SCN8A: variants seen among roughly 807,000 people sequenced by gnomAD.
SCN8A encodes the protein sodium voltage-gated channel alpha subunit 8, also known as sodium channel protein type 8 subunit alpha.
In SCN8A, 30 loss-of-function variants were observed where a neutral mutation model predicts 184.1. That is an observed-to-expected ratio of 0.16 (90% CI 0.12 to 0.22). The LOEUF (loss-of-function observed/expected upper bound fraction) is 0.22, where lower values mean the gene tolerates loss of function less well. Ranked by LOEUF, SCN8A falls within the 10% of genes least tolerant of loss-of-function variation. The pLI is 1.00. For synonymous variants in SCN8A, 852 were observed against 907.0 expected (o/e 0.94, Z 1.09); for missense variants, 1,057 against 2,498.9 (o/e 0.42, Z 12.30).
At chr12:51,792,853 G>A (rs1054475038) in intron 25 of SCN8A, among the ~76,000 whole-genome samples, 5 of 151,956 alleles carry the variant, frequency 3.3e-5, no homozygotes, top group Admixed American at 6.6e-5. Flanking sequence ...AGCAATTCTC[G>A]TGCCTCAGCC....
At chr12:51,747,081 C>CTGTGTGTGTGTGTGTGTGTGTGTG (rs1328800141) in intron 13 of SCN8A, among the ~76,000 whole-genome samples, 1 of 90,570 alleles carries the variant, frequency 1.1e-5, no homozygotes, top group African/African-American at 4.2e-5. Flanking sequence ...CACTTCTACT[C>CTGTGTGTGTGTGTGTGTGTGTGTG]TGTGTGTATG....
chr12:51,730,354 T>C (rs1942220348), intron 12 of SCN8A, among the ~76,000 whole-genome samples: 1 of 152,220 alleles, frequency 6.6e-6, no homozygotes, highest in Non-Finnish European at 1.5e-5. Flanking sequence ...TGTGGGTCTA[T>C]TTCTGGACTC....
intron 12 of SCN8A, among the ~76,000 whole-genome samples, chr12:51,743,485 G>A (rs895039453): frequency 2.0e-5 from 3 of 152,146 alleles, no homozygotes; most frequent in African/African-American, 7.2e-5. Flanking sequence ...TCTGGATTAC[G>A]AGACAAAGAT....
intron 20 of SCN8A, among the ~76,000 whole-genome samples, chr12:51,779,517 G>A (rs1210759722): frequency 1.3e-5 from 2 of 152,194 alleles, no homozygotes. Flanking sequence ...ACTCTGGATT[G>A]TCCAGATAGT....
intron 12 of SCN8A, among the ~76,000 whole-genome samples, chr12:51,731,735 A>T (rs1268804261): frequency 6.6e-6 from 1 of 151,828 alleles, no homozygotes; most frequent in Non-Finnish European, 1.5e-5. Flanking sequence ...AGCATTTATT[A>T]TTGCCTATCT....
At chr12:51,682,131 T>C (rs756401172) in intron 2 of SCN8A, among the ~76,000 whole-genome samples, 3 of 152,230 alleles carry the variant, frequency 2.0e-5, no homozygotes, top group Non-Finnish European at 2.9e-5. Flanking sequence ...TTGCATTACA[T>C]TGGTTGATTT....
chr12:51,650,532 C>G (rs1940687817), intron 1 of SCN8A, among the ~76,000 whole-genome samples: 1 of 113,756 alleles, frequency 8.8e-6, no homozygotes, highest in African/African-American at 3.4e-5. Context: ...TTTTTTGAGA[C>G]AGAATCTTGC....
intron 26 of SCN8A, among the ~76,000 whole-genome samples, chr12:51,802,295 G>T (rs1268189577): frequency 6.6e-6 from 1 of 152,166 alleles, no homozygotes; most frequent in African/African-American, 2.4e-5. Context: ...TGGCAGCCTG[G>T]GTGGGGGAAG....
At position 51,699,555 on chromosome 12, in the gene SCN8A, A is replaced by T. The variant is rs149586118; in HGVS notation, c.707-15A>T. The T allele has an allele frequency of 6.8e-5, 109 of 1,596,182 alleles. 1 individual carries two copies. The African/African-American group carries it at 1.3e-3, about 19-fold the overall frequency. ...CTTTGAGGTGCCTCTGATTCCGGGG[A>T]TTCTGTCTCCTCAGGCCTGAAGACA... On this transcript the variant is annotated splice_polypyrimidine_tract_variant and intron_variant, in intron 6 of 26. Coordinates refer to ENST00000627620, the MANE Select transcript of SCN8A (RefSeq NM_001330260.2).
chr12:51,670,824 A>G (rs1017544597), intron 2 of SCN8A, among the ~76,000 whole-genome samples: 11 of 152,156 alleles, frequency 7.2e-5, no homozygotes, highest in Admixed American at 2.0e-4. Flanking sequence ...CGAGCATGCA[A>G]TTATTCATTT....
At chr12:51,622,416 T>A (rs1939981832) in intron 1 of SCN8A, among the ~76,000 whole-genome samples, 1 of 152,224 alleles carries the variant, frequency 6.6e-6, no homozygotes, top group Non-Finnish European at 1.5e-5. Flanking sequence ...TCATTATGTC[T>A]CCTTAGTCTC....
chr12:51,786,205 T>C (rs563956363), intron 21 of SCN8A, among the ~76,000 whole-genome samples: 5 of 152,308 alleles, frequency 3.3e-5, no homozygotes, highest in Admixed American at 2.0e-4. Context: ...TATTTTCCCA[T>C]TGGGCATATT....
chr12:51,659,602 A>G (rs1940888739), intron 1 of SCN8A, among the ~76,000 whole-genome samples: 2 of 152,210 alleles, frequency 1.3e-5, no homozygotes, highest in Non-Finnish European at 2.9e-5. Flanking sequence ...AATCTGTCCT[A>G]TAACTGGTAA....
At chr12:51,644,132 C>T (rs989032316) in intron 1 of SCN8A, among the ~76,000 whole-genome samples, 3 of 152,192 alleles carry the variant, frequency 2.0e-5, no homozygotes, top group African/African-American at 7.2e-5. Context: ...GAGAAACCAA[C>T]TTTGCTTAGT....
chr12:51,720,258 A>G (rs1170734297), intron 11 of SCN8A, among the ~76,000 whole-genome samples: 2 of 149,902 alleles, frequency 1.3e-5, no homozygotes, highest in Non-Finnish European at 3.0e-5. Context: ...AATGGGGTGG[A>G]TGGAATACTA....
chr12:51,658,812 CT>C (rs1427571388), intron 1 of SCN8A, among the ~76,000 whole-genome samples: 1 of 152,100 alleles, frequency 6.6e-6, no homozygotes, highest in African/African-American at 2.4e-5. Flanking sequence ...CAATAAATTA[CT>C]TTTTTAAAAA....
intron 12 of SCN8A, among the ~76,000 whole-genome samples, chr12:51,726,663 A>G (rs1451377726): frequency 6.6e-6 from 1 of 152,294 alleles, no homozygotes; most frequent in African/African-American, 2.4e-5. Flanking sequence ...TATAACATAT[A>G]TATGTTATTC....
chr12:51,681,989 T>G (rs1364514797), intron 2 of SCN8A, among the ~76,000 whole-genome samples: 2 of 152,130 alleles, frequency 1.3e-5, no homozygotes, highest in Non-Finnish European at 2.9e-5. Context: ...ATAAATGACC[T>G]GTATCAGGTT....
At chr12:51,652,506 A>G (rs111392124) in intron 1 of SCN8A, among the ~76,000 whole-genome samples, 39 of 152,170 alleles carry the variant, frequency 2.6e-4, no homozygotes, top group African/African-American at 8.9e-4. Context: ...AATAAAAGCA[A>G]AACTCCTTCC....
Sources: allele counts gnomAD v4.1 joint callset (sites outside exome capture counted in the v4.1 genomes callset), GRCh38; gene constraint gnomAD v4.1.1; transcripts MANE v1.5; gene names NCBI Gene and HGNC (gene_info 2026-07-23, HGNC 2026-07-21).